The following BICC1 variants were observed in gnomAD, a reference collection of about 807,000 sequenced individuals.
BICC1 encodes the protein BicC family RNA binding protein 1.
In BICC1, 43 loss-of-function variants were observed where a neutral mutation model predicts 111.0. That is an observed-to-expected ratio of 0.39 (90% CI 0.30 to 0.50). The LOEUF (loss-of-function observed/expected upper bound fraction) is 0.50, where lower values mean the gene tolerates loss of function less well. Ranked by LOEUF, BICC1 falls within the 20% of genes least tolerant of loss-of-function variation. BICC1 has a pLI of 0.88. For synonymous variants in BICC1, 467 were observed against 434.4 expected (o/e 1.07, Z -0.93); for missense variants, 1,091 against 1,203.2 (o/e 0.91, Z 1.38).
intron 5 of BICC1, 138 bp from the exon 6 acceptor site, chr10:58,788,232 A>G: frequency 1.6e-6 from 1 of 607,596 alleles, no homozygotes; most frequent in African/African-American, 1.9e-5. Flanking sequence ...GAGATCCTTT[A>G]TTTTTAACAA....
chr10:58,806,702 C>A, intron 16 of BICC1, 79 bp downstream of exon 16: 1 of 1,244,090 alleles, frequency 8.0e-7, no homozygotes, highest in Non-Finnish European at 1.1e-6. Flanking sequence ...CATGGTGAAT[C>A]GAGAACTTGA....
intron 2 of BICC1, among the ~76,000 whole-genome samples, chr10:58,656,793 GT>G (rs998580661): frequency 3.3e-5 from 5 of 152,094 alleles, no homozygotes; most frequent in Non-Finnish European, 7.4e-5. Context: ...ATTACTTCAT[GT>G]TTTTACAGCC....
intron 1 of BICC1, among the ~76,000 whole-genome samples, chr10:58,556,727 C>T (rs1053109899): frequency 1.3e-5 from 2 of 152,156 alleles, no homozygotes; most frequent in Admixed American, 1.3e-4. Flanking sequence ...TCTTAAATTA[C>T]TAAGTATGCA....
intron 2 of BICC1, among the ~76,000 whole-genome samples, chr10:58,630,530 G>C (rs943745387): frequency 1.3e-5 from 2 of 152,092 alleles, no homozygotes; most frequent in African/African-American, 2.4e-5. Context: ...CTGGGCTCCA[G>C]CCATCCTCCC....
intron 3 of BICC1, among the ~76,000 whole-genome samples, chr10:58,771,522 G>T (rs2393479): frequency 6.6e-6 from 1 of 151,994 alleles, no homozygotes; most frequent in African/African-American, 2.4e-5. Context: ...GGAAACCAGC[G>T]GAGGTAGAGA....
intron 2 of BICC1, among the ~76,000 whole-genome samples, chr10:58,699,680 C>T (rs1840170639): frequency 6.6e-6 from 1 of 151,790 alleles, no homozygotes; most frequent in Admixed American, 6.6e-5. Context: ...ATAGTAAGAT[C>T]TTATTTTTCT....
At chr10:58,666,049 A>G (rs1285008897) in intron 2 of BICC1, among the ~76,000 whole-genome samples, 1 of 152,226 alleles carries the variant, frequency 6.6e-6, no homozygotes, top group Non-Finnish European at 1.5e-5. Context: ...AACTTCAGCC[A>G]AATTAAATTT....
intron 3 of BICC1, among the ~76,000 whole-genome samples, chr10:58,712,350 C>T (rs1840602205): frequency 6.6e-6 from 1 of 152,172 alleles, no homozygotes; most frequent in Non-Finnish European, 1.5e-5. Flanking sequence ...CTCTCCTTGG[C>T]ATTTATCCAG....
At chr10:58,731,309 C>T (rs968803936) in intron 3 of BICC1, among the ~76,000 whole-genome samples, 1 of 152,176 alleles carries the variant, frequency 6.6e-6, no homozygotes, top group Non-Finnish European at 1.5e-5. Context: ...TATGTCACTA[C>T]CAGCGTTTTA....
At chr10:58,660,255 C>T (rs1374988942) in intron 2 of BICC1, among the ~76,000 whole-genome samples, 1 of 152,066 alleles carries the variant, frequency 6.6e-6, no homozygotes, top group Non-Finnish European at 1.5e-5. Context: ...TTGTCTTCTC[C>T]CCGACAACAC....
chr10:58,774,902 A>G (rs916515530), intron 3 of BICC1, among the ~76,000 whole-genome samples: 13 of 152,192 alleles, frequency 8.5e-5, no homozygotes, highest in African/African-American at 2.9e-4. Context: ...GTATTTTTTA[A>G]AATTATTTTT....
intron 3 of BICC1, among the ~76,000 whole-genome samples, chr10:58,764,800 G>A (rs1842413547): frequency 6.6e-6 from 1 of 152,074 alleles, no homozygotes; most frequent in African/African-American, 2.4e-5. Flanking sequence ...CTGAGGGAAT[G>A]AAAATAGAAA....
intron 5 of BICC1, 66 bp downstream of exon 5, chr10:58,787,147 CCTAT>C: frequency 7.1e-7 from 1 of 1,417,558 alleles, no homozygotes; most frequent in South Asian, 1.5e-5. Context: ...TTTCAGTTTG[CCTAT>C]CTTTTTTTTC....
intron 1 of BICC1, among the ~76,000 whole-genome samples, chr10:58,579,296 A>G (rs1048609776): frequency 3.3e-5 from 5 of 152,216 alleles, no homozygotes; most frequent in South Asian, 2.1e-4. Context: ...TGGAGAGAAG[A>G]CACTTTAACT....
At chr10:58,657,515 G>A (rs984233642) in intron 2 of BICC1, among the ~76,000 whole-genome samples, 8 of 152,070 alleles carry the variant, frequency 5.3e-5, no homozygotes, top group African/African-American at 1.7e-4. Context: ...GAGAGTAGTA[G>A]GAGTGGTCTG....
At chr10:58,703,695 G>A (rs1840307089) in intron 3 of BICC1, among the ~76,000 whole-genome samples, 1 of 152,126 alleles carries the variant, frequency 6.6e-6, no homozygotes, top group South Asian at 2.1e-4. Flanking sequence ...GGATTATCTA[G>A]CTGTTTGCAG....
intron 1 of BICC1, among the ~76,000 whole-genome samples, chr10:58,541,812 CAAATCCAT>C: frequency 6.7e-6 from 1 of 149,944 alleles, no homozygotes; most frequent in African/African-American, 2.5e-5. Flanking sequence ...AAACATATTA[CAAATCCAT>C]AGCAATCAAA....
chr10:58,582,598 A>G (rs1844313310), intron 1 of BICC1, among the ~76,000 whole-genome samples: 1 of 152,202 alleles, frequency 6.6e-6, no homozygotes, highest in South Asian at 2.1e-4. Flanking sequence ...GCTTAAACCA[A>G]TACAAGGTGA....
At chr10:58,655,895 G>C (rs931742026) in intron 2 of BICC1, among the ~76,000 whole-genome samples, 6 of 151,988 alleles carry the variant, frequency 3.9e-5, no homozygotes, top group African/African-American at 9.6e-5. Flanking sequence ...TAGCATGAAG[G>C]GTTGTTGAAA....
Sources: allele counts gnomAD v4.1 joint callset (sites outside exome capture counted in the v4.1 genomes callset), GRCh38; gene constraint gnomAD v4.1.1; transcripts MANE v1.5; gene names NCBI Gene and HGNC (gene_info 2026-07-23, HGNC 2026-07-21).